MACROD2: variants seen among roughly 807,000 people sequenced by gnomAD.
MACROD2 encodes mono-ADP ribosylhydrolase 2.
A neutral mutation model predicts 70.4 loss-of-function variants in MACROD2; 36 were observed. The ratio of observed to expected loss-of-function variants is 0.51; its 90% CI spans 0.39 to 0.68. The LOEUF is 0.68. Among genes scored for constraint, MACROD2 ranks in the 30% least tolerant of loss-of-function variants. The pLI is 0.00. For synonymous variants in MACROD2, 172 were observed against 178.8 expected (o/e 0.96, Z 0.30); for missense variants, 496 against 538.4 (o/e 0.92, Z 0.78).
intron 8 of MACROD2, among the ~76,000 whole-genome samples, chr20:15,827,785 A>T (rs1030927051): frequency 6.6e-6 from 1 of 152,200 alleles, no homozygotes; most frequent in Admixed American, 6.5e-5. Flanking sequence ...CACCCTAACT[A>T]GCCATTTGCA....
intron 5 of MACROD2, among the ~76,000 whole-genome samples, chr20:15,008,145 C>G (rs1327744800): frequency 1.3e-5 from 2 of 152,102 alleles, no homozygotes; most frequent in African/African-American, 2.4e-5. Context: ...GATATGTAGC[C>G]TATTTTACTG....
chr20:15,786,161 T>TAA (rs10641335), intron 8 of MACROD2, among the ~76,000 whole-genome samples: 17,282 of 144,566 alleles, frequency 0.12, 1,081 homozygotes, highest in Admixed American at 0.14. Flanking sequence ...TTAACAATAT[T>TAA]AAAAAAAAAA....
At chr20:15,842,384 T>C (rs2191516) in intron 8 of MACROD2, among the ~76,000 whole-genome samples, 131,242 of 151,656 alleles carry the variant, frequency 0.87, 57,069 homozygotes, top group East Asian at 0.99. Context: ...AAACAGAGGT[T>C]CTTAGTGGCT....
chr20:14,560,101 A>T (rs1979323846), intron 4 of MACROD2, among the ~76,000 whole-genome samples: 2 of 151,906 alleles, frequency 1.3e-5, no homozygotes, highest in Admixed American at 6.6e-5. Context: ...CACCAGCCAA[A>T]GATTTTGAGA....
At chr20:15,245,193 T>G (rs1176086412) in intron 6 of MACROD2, among the ~76,000 whole-genome samples, 1 of 152,234 alleles carries the variant, frequency 6.6e-6, no homozygotes, top group African/African-American at 2.4e-5. Context: ...GAGAATCCTT[T>G]CTCAAAATTC....
chr20:14,442,121 T>A (rs888644362), intron 3 of MACROD2, among the ~76,000 whole-genome samples: 3 of 151,900 alleles, frequency 2.0e-5, no homozygotes, highest in African/African-American at 7.3e-5. Flanking sequence ...AATATAAAAA[T>A]TAGCCAGGTG....
At chr20:16,029,575 G>A (rs766039664) in intron 15 of MACROD2, among the ~76,000 whole-genome samples, 3 of 152,210 alleles carry the variant, frequency 2.0e-5, no homozygotes, top group Non-Finnish European at 4.4e-5. Flanking sequence ...CACCTTTCTG[G>A]AAATGTGCGG....
At chr20:14,606,808 T>C (rs1240469563) in intron 4 of MACROD2, among the ~76,000 whole-genome samples, 2 of 152,224 alleles carry the variant, frequency 1.3e-5, no homozygotes, top group Non-Finnish European at 2.9e-5. Flanking sequence ...TCATTATTTG[T>C]TAGAGTGACT....
chr20:15,220,294 C>A (rs552608851), intron 5 of MACROD2, among the ~76,000 whole-genome samples: 8 of 152,176 alleles, frequency 5.3e-5, no homozygotes, highest in Non-Finnish European at 1.0e-4. Context: ...ATCGGGCCAA[C>A]TTTTATTTAA....
At chr20:14,537,107 A>T (rs2085375763) in intron 4 of MACROD2, among the ~76,000 whole-genome samples, 1 of 152,072 alleles carries the variant, frequency 6.6e-6, no homozygotes, top group Non-Finnish European at 1.5e-5. Context: ...CTACCCTGGG[A>T]TTGATCACTG....
chr20:15,007,299 G>A (rs1174885987), intron 5 of MACROD2, among the ~76,000 whole-genome samples: 1 of 152,068 alleles, frequency 6.6e-6, no homozygotes, highest in Non-Finnish European at 1.5e-5. Context: ...GGGAGTTGGA[G>A]GTTGCGGTGA....
At chr20:15,175,594 A>G (rs2076455016) in intron 5 of MACROD2, among the ~76,000 whole-genome samples, 1 of 152,254 alleles carries the variant, frequency 6.6e-6, no homozygotes, top group Non-Finnish European at 1.5e-5. Context: ...TGACTTAGCT[A>G]TTGGAAAATT....
intron 5 of MACROD2, among the ~76,000 whole-genome samples, chr20:15,007,505 G>A (rs1476701456): frequency 6.6e-6 from 1 of 152,322 alleles, no homozygotes; most frequent in East Asian, 1.9e-4. Flanking sequence ...GTTAGTACAA[G>A]AATGAGAACT....
rs879633810 is a variant in MACROD2 at position 15,356,414 on chromosome 20, T to G, written c.541-74991T>G. Among the ~76,000 whole-genome samples, 69 of 152,192 alleles carry G rather than the reference T, an allele frequency of 4.5e-4. 2 individuals carry two copies. Among genetic ancestry groups the G allele is most frequent in the Non-Finnish European group, 8.8e-5 (6 of 68,030 alleles). On this transcript the variant is annotated intron_variant, in intron 6 of 17. Coordinates refer to ENST00000684519, the MANE Select transcript of MACROD2 (RefSeq NM_001351661.2). ...GATTTTAAGTCAAATCTCTCCAGTA[T>G]AAAAGTTGAATATATCAAGGGTCTA...
At chr20:15,580,497 C>G (rs2048509022) in intron 8 of MACROD2, among the ~76,000 whole-genome samples, 1 of 152,218 alleles carries the variant, frequency 6.6e-6, no homozygotes, top group Non-Finnish European at 1.5e-5. Flanking sequence ...TCCTCCCCTT[C>G]TCTCCTCAGT....
intron 3 of MACROD2, among the ~76,000 whole-genome samples, chr20:14,249,053 G>A (rs984281855): frequency 4.7e-5 from 7 of 149,450 alleles, no homozygotes; most frequent in African/African-American, 1.7e-4. Flanking sequence ...GCAAGATCTT[G>A]TCAGAAACAA....
At chr20:14,584,206 A>G (rs2123356052) in intron 4 of MACROD2, among the ~76,000 whole-genome samples, 1 of 152,326 alleles carries the variant, frequency 6.6e-6, no homozygotes, top group African/African-American at 2.4e-5. Context: ...CGTTTTGTTT[A>G]GAAATTAGCT....
chr20:16,007,819 C>G (rs775727388), intron 15 of MACROD2, among the ~76,000 whole-genome samples: 1 of 152,090 alleles, frequency 6.6e-6, no homozygotes, highest in African/African-American at 2.4e-5. Context: ...CTGTGGCTAA[C>G]AGAGTATGAC....
intron 5 of MACROD2, among the ~76,000 whole-genome samples, chr20:15,226,656 C>G (rs1052533961): frequency 4.6e-5 from 7 of 152,058 alleles, no homozygotes; most frequent in Admixed American, 4.6e-4. Flanking sequence ...AAAAAGAATT[C>G]TTATAGTCAA....
Sources: allele counts gnomAD v4.1 joint callset (sites outside exome capture counted in the v4.1 genomes callset), GRCh38; gene constraint gnomAD v4.1.1; transcripts MANE v1.5; gene names NCBI Gene and HGNC (gene_info 2026-07-23, HGNC 2026-07-21).